Variants in ADGRB3 observed in about 807,000 individuals in gnomAD.
ADGRB3 encodes adhesion G protein-coupled receptor B3.
ADGRB3 carries 37 observed loss-of-function variants against 193.4 expected under a neutral mutation model. The observed-to-expected ratio is 0.19, with a 90% CI of 0.15 to 0.25. ADGRB3 has a LOEUF of 0.25. Ranked by LOEUF, ADGRB3 falls within the 10% of genes least tolerant of loss-of-function variation. The probability of loss-of-function intolerance (pLI) is 1.00; values close to 1 mark genes in which losing one functional copy is unlikely to be tolerated. For missense variants in ADGRB3, 1,637 were observed against 1,852.9 expected (o/e 0.88, Z 2.14); for synonymous variants, 690 against 644.2 (o/e 1.07, Z -1.08).
chr6:68,854,681 A>G (rs1346085016), intron 3 of ADGRB3, among the ~76,000 whole-genome samples: 1 of 152,132 alleles, frequency 6.6e-6, no homozygotes, highest in African/African-American at 2.4e-5. Flanking sequence ...CCAGCATTTT[A>G]CAGATTTAGT....
At chr6:69,372,722 G>C (rs1476601899) in intron 30 of ADGRB3, among the ~76,000 whole-genome samples, 3 of 151,938 alleles carry the variant, frequency 2.0e-5, no homozygotes, top group Admixed American at 2.0e-4. Flanking sequence ...AGTTGAACCT[G>C]GTTGATTCAG....
chr6:69,016,561 T>A (rs996441078), intron 12 of ADGRB3, among the ~76,000 whole-genome samples: 2 of 151,838 alleles, frequency 1.3e-5, no homozygotes, highest in African/African-American at 4.8e-5. Flanking sequence ...CCTCCTTATA[T>A]CTTTATGACT....
intron 3 of ADGRB3, among the ~76,000 whole-genome samples, chr6:68,876,903 T>C (rs1765609689): frequency 1.3e-5 from 2 of 152,112 alleles, no homozygotes; most frequent in African/African-American, 4.8e-5. Flanking sequence ...TTTTCAAAAT[T>C]ATAAATATTT....
At position 68,900,300 on chromosome 6, in the gene ADGRB3, T is replaced by C. The variant is rs556214479; in HGVS notation, c.758-30259T>C. Reference sequence around the variant, plus strand: ...CCTTATTTCTGAGAATGTGCTTACATACAGTTGTTATATATTGCTGCATAA... The same window carrying C: ...CCTTATTTCTGAGAATGTGCTTACACACAGTTGTTATATATTGCTGCATAA... On this transcript the variant is annotated intron_variant, in intron 3 of 31. Transcript: ENST00000370598. Among the ~76,000 whole-genome samples the C allele has an allele frequency of 1.2e-4, 19 of 152,276 alleles. No individual in the cohort carries two copies. The East Asian group carries it at 3.7e-3, about 29-fold the overall frequency.
At chr6:68,657,660 C>T (rs141909678) in intron 3 of ADGRB3, among the ~76,000 whole-genome samples, 1 of 151,494 alleles carries the variant, frequency 6.6e-6, no homozygotes, top group African/African-American at 2.4e-5. Flanking sequence ...ACTTAAAATA[C>T]TTACTCAACT....
At chr6:69,378,499 G>A (rs1215826067) in intron 30 of ADGRB3, among the ~76,000 whole-genome samples, 1 of 151,938 alleles carries the variant, frequency 6.6e-6, no homozygotes, top group African/African-American at 2.4e-5. Flanking sequence ...GGAGATAATG[G>A]CTTTACCTCC....
chr6:68,873,188 A>G (rs925520159), intron 3 of ADGRB3, among the ~76,000 whole-genome samples: 2 of 152,188 alleles, frequency 1.3e-5, no homozygotes, highest in African/African-American at 4.8e-5. Context: ...AAATTGTAAC[A>G]AATCCTTCAA....
intron 20 of ADGRB3, among the ~76,000 whole-genome samples, chr6:69,275,903 T>C (rs565072300): frequency 4.8e-4 from 73 of 152,298 alleles, no homozygotes; most frequent in Admixed American, 1.4e-3. Context: ...ATCAGATATT[T>C]GTTTTTTTAA....
In ADGRB3 at chr6:68,956,091, G is replaced by A. The variant is rs565225563; in HGVS notation, c.1263G>A (p.Gln421=). ...QCSVTCSNGT[Q]QRSRQCTAAA... is the part of the protein sequence containing the mutation. Reference sequence around the variant, plus strand: ...CAGTAACGTGCTCGAATGGGACTCAGCAGAGAAGCCGGCAGTGCACTGCAG... The same window carrying A: ...CAGTAACGTGCTCGAATGGGACTCAACAGAGAAGCCGGCAGTGCACTGCAG... The change falls in exon 7 of 32, where the codon CAG becomes CAA. Residue 421 remains glutamine (Q), a synonymous_variant. Coordinates refer to ENST00000370598, the MANE Select transcript of ADGRB3 (RefSeq NM_001704.3). 7 of 1,614,056 alleles carry A rather than the reference G, an allele frequency of 4.3e-6. No individual in the cohort carries two copies. Among genetic ancestry groups the A allele is most frequent in the Admixed American group, 1.7e-5 (1 of 60,018 alleles).
At chr6:69,006,207 G>A (rs1422261644) in intron 11 of ADGRB3, among the ~76,000 whole-genome samples, 1 of 151,938 alleles carries the variant, frequency 6.6e-6, no homozygotes, top group African/African-American at 2.4e-5. Flanking sequence ...GATACTATGA[G>A]GTAGAGTTGA....
chr6:68,862,276 A>G (rs1765178042), intron 3 of ADGRB3, among the ~76,000 whole-genome samples: 1 of 152,138 alleles, frequency 6.6e-6, no homozygotes, highest in African/African-American at 2.4e-5. Flanking sequence ...AAAAGTTGTG[A>G]CATTAATTTT....
chr6:68,986,976 T>A (rs917880299), intron 10 of ADGRB3, among the ~76,000 whole-genome samples: 4 of 152,082 alleles, frequency 2.6e-5, no homozygotes, highest in African/African-American at 9.7e-5. Context: ...CATCTCTCTA[T>A]AAAAAGAACA....
At chr6:69,330,334 AATGAT>A (rs1279668694) in intron 22 of ADGRB3, among the ~76,000 whole-genome samples, 167 bp from the exon 23 acceptor site, 4 of 152,326 alleles carry the variant, frequency 2.6e-5, no homozygotes, top group Non-Finnish European at 5.9e-5. Context: ...TTACTTATGA[AATGAT>A]ATAATTCTAG....
intron 17 of ADGRB3, among the ~76,000 whole-genome samples, chr6:69,104,486 G>T (rs890956118): frequency 1.3e-5 from 2 of 151,726 alleles, no homozygotes; most frequent in Non-Finnish European, 2.9e-5. Context: ...GAATAATGCC[G>T]CAATGGTTCA....
intron 17 of ADGRB3, among the ~76,000 whole-genome samples, chr6:69,102,220 A>T (rs1773080199): frequency 6.6e-6 from 1 of 151,942 alleles, no homozygotes; most frequent in Non-Finnish European, 1.5e-5. Context: ...AAAACATATA[A>T]ATACAAAATT....
intron 17 of ADGRB3, among the ~76,000 whole-genome samples, chr6:69,176,515 A>G (rs1775431950): frequency 6.6e-6 from 1 of 152,040 alleles, no homozygotes; most frequent in South Asian, 2.1e-4. Flanking sequence ...TAACTTTTTG[A>G]TGTGCTTCTA....
intron 8 of ADGRB3, among the ~76,000 whole-genome samples, chr6:68,971,178 G>C: frequency 6.6e-6 from 1 of 151,932 alleles, no homozygotes; most frequent in East Asian, 1.9e-4. Context: ...CAAATATTCA[G>C]AAAAAAATGA....
intron 17 of ADGRB3, among the ~76,000 whole-genome samples, chr6:69,100,969 GGGAA>G (rs370758352): frequency 3.2e-4 from 36 of 112,156 alleles, no homozygotes; most frequent in Non-Finnish European, 4.1e-4. Context: ...GAGGGAGAAA[GGGAA>G]GGAAGGAAGG....
chr6:68,716,293 T>A (rs901025580), intron 3 of ADGRB3, among the ~76,000 whole-genome samples: 2 of 151,736 alleles, frequency 1.3e-5, no homozygotes, highest in African/African-American at 4.8e-5. Context: ...TGGAGATTTA[T>A]TTATTTATTT....
Sources: gnomAD v4.1 joint callset for allele counts (sites outside exome capture counted in the v4.1 genomes callset) on GRCh38, gnomAD v4.1.1 for gene constraint, MANE v1.5 for transcripts, NCBI Gene and HGNC (gene_info 2026-07-23, HGNC 2026-07-21) for gene names.